HIVEP3: variants seen among roughly 807,000 people sequenced by gnomAD.
The protein encoded by HIVEP3 is HIVEP zinc finger 3.
In HIVEP3, 49 loss-of-function variants were observed where a neutral mutation model predicts 152.8. That is an observed-to-expected ratio of 0.32 (90% CI 0.26 to 0.41). The LOEUF (loss-of-function observed/expected upper bound fraction) is 0.41, where lower values mean the gene tolerates loss of function less well. Among genes scored for constraint, HIVEP3 ranks in the 10% least tolerant of loss-of-function variants. The probability of loss-of-function intolerance (pLI) is 1.00; values close to 1 mark genes in which losing one functional copy is unlikely to be tolerated. For synonymous variants in HIVEP3, 1,269 were observed against 1,289.0 expected (o/e 0.98, Z 0.33); for missense variants, 2,790 against 3,103.3 (o/e 0.90, Z 2.40).
intron 5 of HIVEP3, among the ~76,000 whole-genome samples, chr1:41,572,516 T>A (rs1046480593): frequency 6.6e-6 from 1 of 152,198 alleles, no homozygotes; most frequent in African/African-American, 2.4e-5. Flanking sequence ...GCTTCTCAGC[T>A]CTGGCCATCC....
intron 7 of HIVEP3, 51 bp downstream of exon 7, chr1:41,518,351 T>A (rs752879215): frequency 6.8e-7 from 1 of 1,477,584 alleles, no homozygotes; most frequent in Non-Finnish European, 9.5e-7. Context: ...TGGAGGAGGA[T>A]AGGGAAAGCG....
intron 5 of HIVEP3, among the ~76,000 whole-genome samples, chr1:41,529,528 A>T (rs1381437865): frequency 3.1e-5 from 2 of 64,326 alleles, no homozygotes; most frequent in African/African-American, 6.9e-5. Context: ...TGACACCCCT[A>T]CCCTCACACA....
chr1:41,860,746 GC>G (rs1419787238), intron 1 of HIVEP3, among the ~76,000 whole-genome samples: 2 of 152,024 alleles, frequency 1.3e-5, no homozygotes, highest in African/African-American at 2.4e-5. Context: ...GCTGGGTCTG[GC>G]CCCCACAGGT....
chr1:41,896,618 A>G (rs1245167618), intron 1 of HIVEP3, among the ~76,000 whole-genome samples: 7 of 146,970 alleles, frequency 4.8e-5, no homozygotes, highest in African/African-American at 1.5e-4. Context: ...TCTGTGGCCC[A>G]GGCTAGAGTG....
intron 1 of HIVEP3, among the ~76,000 whole-genome samples, chr1:41,812,164 G>A (rs948853691): frequency 6.6e-6 from 1 of 152,204 alleles, no homozygotes; most frequent in South Asian, 2.1e-4. Context: ...TATCCTCTAG[G>A]GGGAGCTAGA....
At chr1:41,952,422 G>GTTCATTCA (rs142386133) in intron 1 of HIVEP3, among the ~76,000 whole-genome samples, 30,386 of 151,024 alleles carry the variant, frequency 0.2, 3,128 homozygotes, top group South Asian at 0.29. Context: ...ATTTTCTTTT[G>GTTCATTCA]TTCATTCATT....
chr1:41,598,760 C>T (rs1644703080), intron 3 of HIVEP3, among the ~76,000 whole-genome samples: 1 of 152,064 alleles, frequency 6.6e-6, no homozygotes, highest in African/African-American at 2.4e-5. Context: ...TCAATGGAAA[C>T]AGAGTAGGGT....
At chr1:41,781,973 G>A (rs1649073733) in intron 1 of HIVEP3, among the ~76,000 whole-genome samples, 1 of 152,160 alleles carries the variant, frequency 6.6e-6, no homozygotes, top group Non-Finnish European at 1.5e-5. Flanking sequence ...CAAAAGCAAA[G>A]AATGTTCTAG....
intron 1 of HIVEP3, among the ~76,000 whole-genome samples, chr1:41,905,081 A>G (rs1644688565): frequency 6.6e-6 from 1 of 152,172 alleles, no homozygotes; most frequent in South Asian, 2.1e-4. Flanking sequence ...CTAGGGTATA[A>G]GGATTTAAGA....
chr1:41,982,949 T>C (rs1645301599), intron 1 of HIVEP3, among the ~76,000 whole-genome samples: 1 of 152,174 alleles, frequency 6.6e-6, no homozygotes, highest in African/African-American at 2.4e-5. Context: ...AGGGACAACT[T>C]TTCCATAGAC....
chr1:41,801,403 T>C (rs1027453686), intron 1 of HIVEP3, among the ~76,000 whole-genome samples: 1 of 152,142 alleles, frequency 6.6e-6, no homozygotes, highest in African/African-American at 2.4e-5. Flanking sequence ...CAGCCCTAGG[T>C]TGAGTTAATT....
At chr1:41,692,582 T>C (rs947851517) in intron 2 of HIVEP3, among the ~76,000 whole-genome samples, 2 of 152,232 alleles carry the variant, frequency 1.3e-5, no homozygotes, top group Non-Finnish European at 2.9e-5. Context: ...ATGCTGTAGT[T>C]CTCCTAGGAG....
chr1:41,796,770 A>C (rs1329800550), intron 1 of HIVEP3, among the ~76,000 whole-genome samples: 1 of 152,250 alleles, frequency 6.6e-6, no homozygotes, highest in Non-Finnish European at 1.5e-5. Context: ...TTTTAAAAAA[A>C]CACAATAGCA....
intron 1 of HIVEP3, among the ~76,000 whole-genome samples, chr1:41,740,623 A>G (rs779151492): frequency 6.6e-6 from 1 of 152,196 alleles, no homozygotes; most frequent in Non-Finnish European, 1.5e-5. Flanking sequence ...TTTAATAAAC[A>G]CCCACCACTA....
At chr1:42,015,030 T>G (rs951498602) in intron 1 of HIVEP3, among the ~76,000 whole-genome samples, 7 of 152,118 alleles carry the variant, frequency 4.6e-5, no homozygotes, top group Non-Finnish European at 1.5e-5. Context: ...CTGCTGGTGG[T>G]CAGCAGCCCT....
chr1:42,032,322 C>A (rs1645617734), intron 1 of HIVEP3, among the ~76,000 whole-genome samples: 1 of 152,180 alleles, frequency 6.6e-6, no homozygotes, highest in Non-Finnish European at 1.5e-5. Flanking sequence ...ACTGCCACCT[C>A]CTTCACCTCT....
chr1:41,586,031 C>G (rs1644500162), intron 3 of HIVEP3, among the ~76,000 whole-genome samples: 1 of 152,236 alleles, frequency 6.6e-6, no homozygotes, highest in Non-Finnish European at 1.5e-5. Flanking sequence ...TGAGAACTTA[C>G]AATCTGACAC....
At chr1:41,529,580 C>T (rs1271421680) in intron 5 of HIVEP3, among the ~76,000 whole-genome samples, 1 of 138,530 alleles carries the variant, frequency 7.2e-6, no homozygotes, top group Non-Finnish European at 1.6e-5. Context: ...ACACATACGT[C>T]CCCACCTTCA....
chr1:41,579,838 T>C lies in HIVEP3; in HGVS notation c.4960A>G (p.Lys1654Glu), dbSNP rs1421644290. Residue 1654 changes from lysine (K) to glutamate (E), a missense_variant, in exon 4 of 9, where the codon AAG becomes GAG. Lys to Glu is a moderately conservative substitution (Grantham distance 56). Coordinates refer to ENST00000372583, the MANE Select transcript of HIVEP3 (RefSeq NM_024503.5). ...TKAALSLLRSKQKVSKETYTM... is the reference protein window; with the variant it reads ...TKAALSLLRSEQKVSKETYTM... ...TATGTCTCTTTGCTCACTTTCTGCT[T>C]AGACCTCAGGAGGGACAAAGCAGCT... 6.2e-7 allele frequency: 1 copy of C among 1,614,118 alleles called. No homozygotes were observed. The highest frequency in any genetic ancestry group is 2.2e-5 in the East Asian group (1 of 44,886).
Sources: allele counts gnomAD v4.1 joint callset (sites outside exome capture counted in the v4.1 genomes callset), GRCh38; gene constraint gnomAD v4.1.1; transcripts MANE v1.5; gene names NCBI Gene and HGNC (gene_info 2026-07-23, HGNC 2026-07-21).